Variants in RIC8A observed in about 807,000 individuals in gnomAD.
The protein encoded by RIC8A is chaperone Ric-8A.
RIC8A carries 37 observed loss-of-function variants against 48.4 expected under a neutral mutation model. The observed-to-expected ratio is 0.77, with a 90% CI of 0.59 to 1.01. The LOEUF is 1.01. Ranked by LOEUF, RIC8A falls within the 50% of genes least tolerant of loss-of-function variation. The pLI is 0.00. For missense variants in RIC8A, 681 were observed against 696.8 expected, an observed-to-expected ratio of 0.98 and a Z score of 0.25; for synonymous variants, 288 against 283.4, an observed-to-expected ratio of 1.02 and a Z score of -0.16.
intron 1 of RIC8A, 157 bp from the exon 2 acceptor site, chr11:209,114 G>A (rs112945100): frequency 7.6e-6 from 8 of 1,059,496 alleles, no homozygotes; most frequent in African/African-American, 3.1e-5. Context: ...GGGTGCACCC[G>A]TTGGGTGGCA....
rs1855477663 is a variant in RIC8A at position 214,508 on chromosome 11, T to C, written c.*158T>C. On this transcript the variant is annotated 3_prime_UTR_variant, in exon 10 of 10. Coordinates refer to ENST00000526104, the MANE Select transcript of RIC8A (RefSeq NM_001286134.2). Reference sequence around the variant, plus strand: ...TCTTGACTCCCGTTCTGTTCATGATTTGCCTCTGGTCCAGTTTCTCATCTC... The same window carrying C: ...TCTTGACTCCCGTTCTGTTCATGATCTGCCTCTGGTCCAGTTTCTCATCTC... The C allele has an allele frequency of 6.7e-6, 6 of 900,370 alleles. No individual in the cohort carries two copies. Among genetic ancestry groups the C allele is most frequent in the Non-Finnish European group, 1.1e-5 (6 of 567,478 alleles). 55.8% of individuals were successfully genotyped at this position (900,370 alleles called of 1,614,324 possible).
chr11:210,054 T>C, intron 3 of RIC8A, 54 bp downstream of exon 3: 1 of 1,436,098 alleles, frequency 7.0e-7, no homozygotes, highest in Non-Finnish European at 9.4e-7. Context: ...CAACATTTCC[T>C]GGACCTGCTT....
In RIC8A at chr11:212,397, G is replaced by T; in HGVS notation, c.970-19G>T. The T allele has an allele frequency of 6.2e-7, 1 of 1,611,682 alleles. No homozygotes were observed. The highest frequency in any genetic ancestry group is 1.1e-5 in the South Asian group (1 of 90,662). On this transcript the variant is annotated intron_variant, in intron 5 of 9. Coordinates refer to ENST00000526104, the MANE Select transcript of RIC8A (RefSeq NM_001286134.2). ...AGTTAGGCAGGGGCATAGCCCCAGT[G>T]ACAGAGAATCCTCTACAGACACACA...
intron 3 of RIC8A, 94 bp from the exon 4 acceptor site, chr11:210,477 C>A: frequency 8.5e-7 from 1 of 1,170,346 alleles, no homozygotes; most frequent in South Asian, 1.2e-5. Context: ...CAGTCATTGC[C>A]ACACAGTCCT....
Position 214,237 on chromosome 11 carries a change from G to C in RIC8A, c.1483G>C (p.Val495Leu). The C allele has an allele frequency of 6.2e-7, 1 of 1,613,732 alleles. No homozygotes were observed. Among genetic ancestry groups the C allele is most frequent in the Non-Finnish European group, 8.5e-7 (1 of 1,179,892 alleles). Residue 495 changes from valine (V) to leucine (L), a missense_variant, in exon 10 of 10, where the codon GTC (valine) becomes CTC (leucine). Transcript: ENST00000526104. ...TMFDKLSRNR[V>L]IQPMGMSPRG... ...TGCACCTTTCCCCAACAGGAACAGAGTCATCCAGCCAATGGGGATGAGTCC... is the reference window on the plus strand; with the variant it reads ...TGCACCTTTCCCCAACAGGAACAGACTCATCCAGCCAATGGGGATGAGTCC...
intron 9 of RIC8A, chr11:213,787 CAA>C: frequency 4.3e-6 from 1 of 234,744 alleles, no homozygotes; most frequent in Non-Finnish European, 8.4e-6. Flanking sequence ...TGCTAAAATA[CAA>C]AAAAAAAGTT....
intron 6 of RIC8A, 23 bp downstream of exon 6, chr11:212,534 C>T (rs1218341831): frequency 1.2e-6 from 2 of 1,613,100 alleles, no homozygotes; most frequent in Non-Finnish European, 1.7e-6. Flanking sequence ...GGAGCTGGTG[C>T]TCCTGGGGGA....
At chr11:212,355 ACT>A in intron 5 of RIC8A, 59 bp from the exon 6 acceptor site, 4 of 1,531,892 alleles carry the variant, frequency 2.6e-6, no homozygotes, top group Non-Finnish European at 3.6e-6. Flanking sequence ...GGGAGGTGTA[ACT>A]CTGTGCCAGT....
rs760853166 is a variant in RIC8A, at chr11:211,150, G to A, written c.819-49G>A. The A allele has an allele frequency of 2.4e-5, 37 of 1,570,544 alleles. No individual in the cohort carries two copies. Among genetic ancestry groups the A allele is most frequent in the Non-Finnish European group, 3.0e-5 (35 of 1,156,100 alleles). On this transcript the variant is annotated intron_variant, in intron 4 of 9. Coordinates refer to ENST00000526104, the MANE Select transcript of RIC8A (RefSeq NM_001286134.2). The surrounding 1 kb of genome is among the most constrained non-coding windows in gnomAD (Gnocchi z 4.0). ...CAGCGGAGTCACAAAGATTGCACCT[G>A]TGCTCAGGGATTAGCCCTGTTGAAA...
Position 209,657 on chromosome 11 carries a change from G to GC in RIC8A, c.386dup (p.Val130CysfsTer24). ...TGCCTGTGCAACCTCGTGCTCAGCA[G>GC]CCCTGTGGCACAGATGCTGGCAGCA... On this transcript the variant is annotated frameshift_variant, in exon 3 of 10. Transcript: ENST00000526104. LOFTEE classifies it high-confidence loss of function. 1 of 1,613,992 alleles carries GC rather than the reference G, an allele frequency of 6.2e-7. No individual in the cohort carries two copies. The highest frequency in any genetic ancestry group is 8.5e-7 in the Non-Finnish European group (1 of 1,179,998).
At position 208,287 on chromosome 11, in the gene RIC8A, C is replaced by CT. The variant is rs1855236990; in HGVS notation, c.-564dup. ...CAGCCCGTTGCAGCCCAGCAGTCGC[C>CT]TTTTGCTTCTTTTGAAGCACAGCCC... On this transcript the variant is annotated 5_prime_UTR_variant, in exon 1 of 10. Coordinates refer to ENST00000526104, the MANE Select transcript of RIC8A (RefSeq NM_001286134.2). The surrounding 1 kb of genome is among the most constrained non-coding windows in gnomAD (Gnocchi z 4.8). 6.6e-6 allele frequency: 1 copy of CT among 152,540 alleles called. No homozygotes were observed. Among genetic ancestry groups the CT allele is most frequent in the Admixed American group, 6.5e-5 (1 of 15,288 alleles). 9.4% of individuals were successfully genotyped at this position (152,540 alleles called of 1,614,324 possible).
At position 209,841 on chromosome 11, in the gene RIC8A, G is replaced by A. The variant is rs769160434; in HGVS notation, c.567G>A (p.Val189=). Residue 189 remains valine (V), a synonymous_variant, in exon 3 of 10, where the codon GTG becomes GTA. Transcript: ENST00000526104. ...RQQLFQELKG[V]RLLTDTLELT... ...AGCTGTTTCAGGAGCTGAAAGGAGT[G>A]CGCCTGCTAACTGACACACTGGAGC... 2.5e-6 allele frequency: 4 copies of A among 1,613,770 alleles called. No homozygotes were observed. The highest frequency in any genetic ancestry group is 2.2e-5 in the South Asian group (2 of 91,090).
Position 208,968 on chromosome 11 carries a change from G to T in RIC8A, c.84+30G>T. The T allele has an allele frequency of 7.6e-7, 1 of 1,310,446 alleles. No homozygotes were observed. Among genetic ancestry groups the T allele is most frequent in the Non-Finnish European group, 1.1e-6 (1 of 924,354 alleles). 81.2% of individuals were successfully genotyped at this position (1,310,446 alleles called of 1,614,324 possible). A position where few individuals can be genotyped will look rare whatever the true frequency, so the allele number is the denominator to read the frequency against. On this transcript the variant is annotated intron_variant, in intron 1 of 9. Transcript: ENST00000526104. The surrounding 1 kb of genome is among the most constrained non-coding windows in gnomAD (Gnocchi z 4.8). ...GCGGCCGCCTGAGGCCGGGGGGCGG[G>T]CACGGAGGGGGTGGGGCAGGGTCGT...
chr11:213,129 G>C, intron 8 of RIC8A, 148 bp downstream of exon 8: 1 of 1,361,074 alleles, frequency 7.3e-7, no homozygotes. Context: ...TGCTATCTGG[G>C]ATACCAGAAG....
intron 3 of RIC8A, 110 bp downstream of exon 3, chr11:210,110 C>T (rs534909659): frequency 1.1e-6 from 1 of 928,128 alleles, no homozygotes; most frequent in Non-Finnish European, 1.6e-6. Context: ...ATGGAGAGGA[C>T]AGGACCTCCC....
chr11:210,665 G>A lies in RIC8A; in HGVS notation c.818+3G>A, dbSNP rs566610027. The stretch of plus-strand genomic sequence containing the variant: ...GACCGCACAGAGGAGTTCCACGGGT[G>A]AGAATGGGGCTTTTTCTGGGAGGGA... On this transcript the variant is annotated splice_donor_region_variant and intron_variant, in intron 4 of 9. Transcript: ENST00000526104. 2.5e-6 allele frequency: 4 copies of A among 1,613,922 alleles called. No individual in the cohort carries two copies. The highest frequency in any genetic ancestry group is 4.5e-5 in the East Asian group (2 of 44,884).
In RIC8A at chr11:215,099, A is replaced by T. The variant is rs1641992113; in HGVS notation, c.*749A>T. ...GAAACATCATCTTGAAATAAAGAAGAGTTTTGGACAAAAATGTATGTGTAA... is the reference window on the plus strand; with the variant it reads ...GAAACATCATCTTGAAATAAAGAAGTGTTTTGGACAAAAATGTATGTGTAA... On this transcript the variant is annotated 3_prime_UTR_variant, in exon 10 of 10. Transcript: ENST00000526104. 3 of 154,470 alleles carry T rather than the reference A, an allele frequency of 1.9e-5. No individual in the cohort carries two copies. The South Asian group carries it at 6.0e-4, about 31-fold the overall frequency. 9.6% of individuals were successfully genotyped at this position (154,470 alleles called of 1,614,324 possible). A position where few individuals can be genotyped will look rare whatever the true frequency, so the allele number is the denominator to read the frequency against.
At chr11:209,192 A>G (rs747804142) in intron 1 of RIC8A, 79 bp from the exon 2 acceptor site, 1 of 1,538,246 alleles carries the variant, frequency 6.5e-7, no homozygotes, top group Admixed American at 1.7e-5. Context: ...TGCCTGAGTT[A>G]GAGGCCAATA....
At chr11:213,521 AT>A in intron 9 of RIC8A, 103 bp downstream of exon 9, 1 of 1,478,418 alleles carries the variant, frequency 6.8e-7, no homozygotes, top group Non-Finnish European at 9.1e-7. Context: ...AGAGCTTAGG[AT>A]CCTGGTATTA....
Sources: gnomAD v4.1 joint callset for allele counts on GRCh38, gnomAD v4.1.1 for gene constraint, Gnocchi (gnomAD v3.1) non-coding constraint, MANE v1.5 for transcripts, NCBI Gene and HGNC (gene_info 2026-07-23, HGNC 2026-07-21) for gene names.